TBCK: variants seen among roughly 807,000 people sequenced by gnomAD.
TBCK encodes TBC domain-containing protein kinase-like protein.
In TBCK, 99 loss-of-function variants were observed where a neutral mutation model predicts 113.4. That is an observed-to-expected ratio of 0.87 (90% CI 0.74 to 1.03). The LOEUF (loss-of-function observed/expected upper bound fraction) is 1.03, where lower values mean the gene tolerates loss of function less well. Among genes scored for constraint, TBCK ranks in the 50% least tolerant of loss-of-function variants. TBCK has a pLI of 0.00. For synonymous variants in TBCK, 369 were observed against 370.8 expected (o/e 1.00, Z 0.05); for missense variants, 1,045 against 1,061.3 (o/e 0.98, Z 0.21).
intron 23 of TBCK, among the ~76,000 whole-genome samples, chr4:106,119,392 C>T (rs561737259): frequency 4.6e-5 from 7 of 152,088 alleles, no homozygotes; most frequent in African/African-American, 1.4e-4. Context: ...GACAAAGCCA[C>T]CAAGAACTTT....
At chr4:106,050,006 C>T (rs529044016) in intron 25 of TBCK, among the ~76,000 whole-genome samples, 50 of 152,042 alleles carry the variant, frequency 3.3e-4, no homozygotes, top group Non-Finnish European at 6.0e-4. Flanking sequence ...AATTCCTATA[C>T]GTATATGTGG....
chr4:106,302,080 T>C (rs756816917), intron 2 of TBCK, among the ~76,000 whole-genome samples: 11 of 152,184 alleles, frequency 7.2e-5, no homozygotes, highest in Admixed American at 3.9e-4. Context: ...ATGCTAAACA[T>C]TGCCAATAAA....
chr4:106,056,368 G>C (rs1395088309), intron 25 of TBCK, among the ~76,000 whole-genome samples: 1 of 148,776 alleles, frequency 6.7e-6, no homozygotes, highest in Non-Finnish European at 1.5e-5. Flanking sequence ...GCCTCCCATA[G>C]TGCTAGGATT....
chr4:106,220,993 T>C (rs1424823883), intron 19 of TBCK, among the ~76,000 whole-genome samples: 2 of 152,214 alleles, frequency 1.3e-5, no homozygotes, highest in Admixed American at 6.5e-5. Context: ...AATTCACACC[T>C]CAGGCAATTT....
chr4:106,068,483 C>A (rs533598589), intron 25 of TBCK, among the ~76,000 whole-genome samples: 36 of 152,204 alleles, frequency 2.4e-4, no homozygotes, highest in Admixed American at 7.9e-4. Flanking sequence ...TGAACTCATC[C>A]TTTTTTATGG....
At chr4:106,051,377 C>A (rs1335757060) in intron 25 of TBCK, among the ~76,000 whole-genome samples, 1 of 151,908 alleles carries the variant, frequency 6.6e-6, no homozygotes, top group African/African-American at 2.4e-5. Flanking sequence ...AAGACCCTGA[C>A]AAAGCTCAAA....
At chr4:106,065,752 T>C (rs1486022282) in intron 25 of TBCK, among the ~76,000 whole-genome samples, 1 of 152,066 alleles carries the variant, frequency 6.6e-6, no homozygotes. Context: ...CTATAGCTCA[T>C]TGCTTTATTT....
chr4:106,302,913 T>C (rs997508781), intron 2 of TBCK, among the ~76,000 whole-genome samples: 2 of 152,212 alleles, frequency 1.3e-5, no homozygotes, highest in African/African-American at 2.4e-5. Flanking sequence ...TAAAAATCTT[T>C]GGCAAAAAAT....
chr4:106,255,444 C>T (rs1579413242), intron 5 of TBCK, among the ~76,000 whole-genome samples: 2 of 152,356 alleles, frequency 1.3e-5, no homozygotes, highest in East Asian at 3.9e-4. Context: ...GCCAGGCACA[C>T]TGGCTGTGGC....
intron 3 of TBCK, among the ~76,000 whole-genome samples, chr4:106,263,391 T>A (rs1762677188): frequency 6.6e-6 from 1 of 151,850 alleles, no homozygotes; most frequent in Admixed American, 6.6e-5. Flanking sequence ...ATAAGGATTG[T>A]CAGATTTGAT....
intron 22 of TBCK, among the ~76,000 whole-genome samples, chr4:106,189,525 T>C (rs1038321586): frequency 1.3e-5 from 2 of 152,054 alleles, no homozygotes; most frequent in African/African-American, 4.8e-5. Context: ...CTTTCACAAA[T>C]CATTTCTCCA....
chr4:106,203,346 T>C (rs1351541320), intron 20 of TBCK, among the ~76,000 whole-genome samples: 1 of 151,294 alleles, frequency 6.6e-6, no homozygotes, highest in Non-Finnish European at 1.5e-5. Flanking sequence ...TTTGGGTTTG[T>C]TGTGTTTAAA....
chr4:106,224,443 G>A (rs12512877), intron 19 of TBCK, among the ~76,000 whole-genome samples: 21,476 of 151,784 alleles, frequency 0.14, 1,713 homozygotes, highest in South Asian at 0.25. Context: ...AGTTTCTTAC[G>A]ACTTAGGATT....
chr4:106,046,673 G>A lies in TBCK; in HGVS notation c.2579C>T (p.Ala860Val). Reference sequence around the variant, plus strand: ...TGGATATTTCATCTTCACAAGGTGAGCTGCAAACTGGAAAAAAAAAGAGGC... The same window carrying A: ...TGGATATTTCATCTTCACAAGGTGAACTGCAAACTGGAAAAAAAAAGAGGC... ...HVAKHTAEFAAHLVKMKYPRI... is the reference protein window; with the variant it reads ...HVAKHTAEFAVHLVKMKYPRI... Residue 860 changes from alanine to valine, a missense_variant, in exon 26 of 26, where the codon GCT becomes GTT. Coordinates refer to ENST00000394708, the MANE Select transcript of TBCK (RefSeq NM_001163435.3). 1 of 1,596,474 alleles carries A rather than the reference G, an allele frequency of 6.3e-7. No individual in the cohort carries two copies. Among genetic ancestry groups the A allele is most frequent in the South Asian group, 1.1e-5 (1 of 89,954 alleles).
chr4:106,149,696 T>A (rs1007923679), intron 23 of TBCK, among the ~76,000 whole-genome samples: 2 of 152,158 alleles, frequency 1.3e-5, no homozygotes, highest in African/African-American at 4.8e-5. Flanking sequence ...ATGAAAAAGT[T>A]TGAAATATTG....
intron 19 of TBCK, among the ~76,000 whole-genome samples, chr4:106,220,886 G>C (rs533669695): frequency 2.0e-5 from 3 of 152,276 alleles, no homozygotes; most frequent in Admixed American, 6.5e-5. Context: ...TCAGAAGCCA[G>C]AGATATGTGA....
chr4:106,116,379 C>G lies in TBCK; in HGVS notation c.2236-1G>C, dbSNP rs1290367393. 6.3e-7 allele frequency: 1 copy of G among 1,577,942 alleles called. No homozygotes were observed. The highest frequency in any genetic ancestry group is 1.4e-5 in the African/African-American group (1 of 71,516). ...CATTTAATGGGATGGATTCTCTTGA[C>G]TGAAAAAAAAAATGTACAAAAAAAA... On this transcript the variant is annotated splice_acceptor_variant, in intron 23 of 25. Transcript: ENST00000394708. LOFTEE classifies it high-confidence loss of function.
intron 23 of TBCK, among the ~76,000 whole-genome samples, chr4:106,149,295 T>G (rs1316349535): frequency 2.0e-5 from 3 of 152,228 alleles, no homozygotes; most frequent in Non-Finnish European, 4.4e-5. Flanking sequence ...TAAGAATTTT[T>G]CCTTTGCATC....
At chr4:106,289,111 A>G (rs971001346) in intron 3 of TBCK, among the ~76,000 whole-genome samples, 1 of 152,238 alleles carries the variant, frequency 6.6e-6, no homozygotes, top group African/African-American at 2.4e-5. Context: ...GTCCATGGAC[A>G]TTTGAGTTCT....
Sources: gnomAD v4.1 joint callset for allele counts (sites outside exome capture counted in the v4.1 genomes callset) on GRCh38, gnomAD v4.1.1 for gene constraint, MANE v1.5 for transcripts, NCBI Gene and HGNC (gene_info 2026-07-23, HGNC 2026-07-21) for gene names.